Variants in MDGA2 observed in about 807,000 individuals in gnomAD.
MDGA2 encodes MAM domain containing glycosylphosphatidylinositol anchor 2, also known as MAM domain-containing glycosylphosphatidylinositol anchor protein 2.
A neutral mutation model predicts 117.8 loss-of-function variants in MDGA2; 40 were observed. The ratio of observed to expected loss-of-function variants is 0.34; its 90% CI spans 0.26 to 0.44. The LOEUF is 0.44. Ranked by LOEUF, MDGA2 falls within the 20% of genes least tolerant of loss-of-function variation. MDGA2 has a pLI of 1.00. For synonymous variants in MDGA2, 452 were observed against 439.0 expected, an observed-to-expected ratio of 1.03 and a Z score of -0.37; for missense variants, 1,123 against 1,250.6, an observed-to-expected ratio of 0.90 and a Z score of 1.54.
chr14:47,331,240 CT>C (rs1890285176), intron 1 of MDGA2, among the ~76,000 whole-genome samples: 1 of 151,808 alleles, frequency 6.6e-6, no homozygotes, highest in South Asian at 2.1e-4. Flanking sequence ...GGAAAACGTA[CT>C]TTTATGACAA....
chr14:47,540,518 A>ATGTGTGTGTG (rs1374889978), intron 1 of MDGA2, among the ~76,000 whole-genome samples: 4 of 61,238 alleles, frequency 6.5e-5, no homozygotes, highest in South Asian at 1.7e-3. Flanking sequence ...ATGTATATGT[A>ATGTGTGTGTG]TATGTGTGTG....
chr14:47,634,098 A>G (rs1897283862), intron 1 of MDGA2, among the ~76,000 whole-genome samples: 1 of 152,198 alleles, frequency 6.6e-6, no homozygotes, highest in Admixed American at 6.5e-5. Flanking sequence ...AGTTTGACTC[A>G]GTAATCCTCT....
chr14:46,918,764 T>A (rs1194462660), intron 10 of MDGA2, among the ~76,000 whole-genome samples: 2 of 137,860 alleles, frequency 1.5e-5, no homozygotes, highest in African/African-American at 6.3e-5. Flanking sequence ...GTGTATCTTT[T>A]TTTTTTTTTT....
intron 8 of MDGA2, among the ~76,000 whole-genome samples, chr14:47,015,406 T>G (rs1375784140): frequency 7.0e-6 from 1 of 143,716 alleles, no homozygotes; most frequent in African/African-American, 2.6e-5. Flanking sequence ...GTCAAAGAAG[T>G]AAAGGACAAT....
At chr14:47,167,382 T>C (rs1883928345) in intron 3 of MDGA2, among the ~76,000 whole-genome samples, 1 of 152,162 alleles carries the variant, frequency 6.6e-6, no homozygotes, top group Non-Finnish European at 1.5e-5. Context: ...TACTCATGTC[T>C]TCTCCTTATA....
In MDGA2 at chr14:47,048,929, TA is replaced by T. The variant is rs201873661; in HGVS notation, c.1525+12319del. ...TACAATAAACATATGGACCTAATTTTAAAACCACATAAAAACTTATATAATG... is the reference window on the plus strand; with the variant it reads ...TACAATAAACATATGGACCTAATTTTAAACCACATAAAAACTTATATAATG... On this transcript the variant is annotated intron_variant, in intron 7 of 16. Transcript: ENST00000399232. Among the ~76,000 whole-genome samples the T allele has an allele frequency of 2.0e-5, 3 of 152,070 alleles. No individual in the cohort carries two copies. The East Asian group carries it at 5.8e-4, about 29-fold the overall frequency.
At chr14:47,577,043 G>A (rs922257828) in intron 1 of MDGA2, among the ~76,000 whole-genome samples, 3 of 152,088 alleles carry the variant, frequency 2.0e-5, no homozygotes, top group Non-Finnish European at 2.9e-5. Context: ...GAGCCACCAT[G>A]CCCAGCCTAG....
At chr14:47,030,288 G>C (rs369337678) in intron 8 of MDGA2, among the ~76,000 whole-genome samples, 35 of 152,086 alleles carry the variant, frequency 2.3e-4, no homozygotes, top group African/African-American at 8.2e-4. Flanking sequence ...GCTGAGGTTG[G>C]TGGATCACCT....
intron 8 of MDGA2, among the ~76,000 whole-genome samples, chr14:47,023,220 AAAAG>A (rs1184488029): frequency 6.6e-6 from 1 of 151,728 alleles, no homozygotes; most frequent in Non-Finnish European, 1.5e-5. Context: ...AAAAAAAAGA[AAAAG>A]AAAGAAAGAA....
chr14:47,136,920 C>G (rs566419707), intron 4 of MDGA2, among the ~76,000 whole-genome samples: 2 of 152,122 alleles, frequency 1.3e-5, no homozygotes, highest in African/African-American at 2.4e-5. Flanking sequence ...CATAGCAGAG[C>G]TGAACAGTCA....
chr14:47,005,798 A>G (rs1329374791), intron 8 of MDGA2, among the ~76,000 whole-genome samples: 1 of 151,612 alleles, frequency 6.6e-6, no homozygotes, highest in African/African-American at 2.4e-5. Context: ...GGTGGTAAGA[A>G]TTATGATGCT....
At chr14:47,600,433 CA>C (rs927417891) in intron 1 of MDGA2, among the ~76,000 whole-genome samples, 1 of 151,434 alleles carries the variant, frequency 6.6e-6, no homozygotes, top group African/African-American at 2.4e-5. Flanking sequence ...GATATTGTCT[CA>C]AAAAAAATTT....
chr14:46,931,218 A>C (rs79588266), intron 9 of MDGA2, among the ~76,000 whole-genome samples: 1 of 145,032 alleles, frequency 6.9e-6, no homozygotes, highest in Admixed American at 6.8e-5. Context: ...ACATCTCAAA[A>C]AAAAAAAAAA....
At chr14:47,637,570 A>C (rs1414246864) in intron 1 of MDGA2, among the ~76,000 whole-genome samples, 1 of 152,154 alleles carries the variant, frequency 6.6e-6, no homozygotes, top group Non-Finnish European at 1.5e-5. Context: ...TGGAGGTTTA[A>C]ATATCTCCCC....
chr14:47,096,132 T>TA (rs1323761390), intron 6 of MDGA2, among the ~76,000 whole-genome samples: 2 of 152,028 alleles, frequency 1.3e-5, no homozygotes, highest in Non-Finnish European at 2.9e-5. Flanking sequence ...TACTTTGACT[T>TA]AGTGACTTAC....
At chr14:47,391,884 TA>T (rs1891903046) in intron 1 of MDGA2, among the ~76,000 whole-genome samples, 1 of 152,206 alleles carries the variant, frequency 6.6e-6, no homozygotes, top group South Asian at 2.1e-4. Context: ...TTAGAAGCAC[TA>T]ATTAAAAGTT....
chr14:47,278,103 A>T (rs1340303923), intron 2 of MDGA2, among the ~76,000 whole-genome samples: 1 of 152,158 alleles, frequency 6.6e-6, no homozygotes, highest in Non-Finnish European at 1.5e-5. Context: ...GCAAGAATGG[A>T]TACACAATTC....
chr14:47,603,551 G>C (rs763157320), intron 1 of MDGA2, among the ~76,000 whole-genome samples: 30 of 152,084 alleles, frequency 2.0e-4, no homozygotes, highest in Non-Finnish European at 4.0e-4. Context: ...CTTTTATTTT[G>C]TCCAATGATT....
At chr14:47,370,023 A>G (rs1234760618) in intron 1 of MDGA2, among the ~76,000 whole-genome samples, 2 of 152,038 alleles carry the variant, frequency 1.3e-5, no homozygotes, top group Admixed American at 1.3e-4. Context: ...ATCTTCAATA[A>G]TTCTGACATT....
Sources: gnomAD v4.1 joint callset for allele counts (sites outside exome capture counted in the v4.1 genomes callset) on GRCh38, gnomAD v4.1.1 for gene constraint, MANE v1.5 for transcripts, NCBI Gene and HGNC (gene_info 2026-07-23, HGNC 2026-07-21) for gene names.